JAK1: variants seen among roughly 807,000 people sequenced by gnomAD.
JAK1 encodes the protein Janus kinase 1.
Under a neutral mutation model 136.6 loss-of-function variants are expected in JAK1, and 16 were observed. The ratio of observed to expected loss-of-function variants is 0.12; its 90% confidence interval spans 0.08 to 0.18. The LOEUF is 0.18. JAK1 is among the 10% of genes least tolerant of loss of function. The probability of loss-of-function intolerance (pLI) is 1.00; values close to 1 mark genes in which losing one functional copy is unlikely to be tolerated. For synonymous variants in JAK1, 492 were observed against 519.5 expected, an observed-to-expected ratio of 0.95 and a Z score of 0.72; for missense variants, 859 against 1,450.1, an observed-to-expected ratio of 0.59 and a Z score of 6.62.
chr1:64,868,898 C>A (rs1284237380), intron 6 of JAK1, among the ~76,000 whole-genome samples: 1 of 152,206 alleles, frequency 6.6e-6, no homozygotes, highest in Non-Finnish European at 1.5e-5. Context: ...TAGTGAACTA[C>A]TGTAACGTGT....
At chr1:65,052,118 ATTTTTTTTTT>A (rs71056073) in intron 1 of JAK1, among the ~76,000 whole-genome samples, 4 of 93,568 alleles carry the variant, frequency 4.3e-5, no homozygotes, top group South Asian at 3.7e-4. Flanking sequence ...ACGCCTGGCT[ATTTTTTTTTT>A]TTTTTTTTTT....
At chr1:64,986,617 G>C (rs897568818) in intron 2 of JAK1, among the ~76,000 whole-genome samples, 6 of 152,112 alleles carry the variant, frequency 3.9e-5, no homozygotes, top group African/African-American at 1.4e-4. Flanking sequence ...AATAAGCTGG[G>C]TGCAGTGGCT....
chr1:64,857,004 GT>G (rs548849477), intron 10 of JAK1, among the ~76,000 whole-genome samples: 9 of 152,152 alleles, frequency 5.9e-5, no homozygotes, highest in Non-Finnish European at 1.3e-4. Context: ...CCACTTTGTA[GT>G]TTTTTTAATT....
chr1:64,986,174 C>T (rs1344246604), intron 2 of JAK1: 4 of 424,812 alleles, frequency 9.4e-6, no homozygotes, highest in Non-Finnish European at 1.7e-5. Flanking sequence ...GGGGCGATCT[C>T]AGCTCACTGC....
At chr1:64,903,965 G>A (rs928497863) in intron 1 of JAK1, among the ~76,000 whole-genome samples, 7 of 152,194 alleles carry the variant, frequency 4.6e-5, no homozygotes, top group Non-Finnish European at 7.4e-5. Context: ...TTCCTTGAGA[G>A]CAAAAACAAG....
At chr1:64,894,647 G>A (rs1013707741) in intron 1 of JAK1, among the ~76,000 whole-genome samples, 1 of 151,958 alleles carries the variant, frequency 6.6e-6, no homozygotes, top group Admixed American at 6.6e-5. Context: ...CGTGGTGGTG[G>A]GTGCCTGTAA....
At chr1:64,927,779 T>A (rs546613896) in intron 1 of JAK1, among the ~76,000 whole-genome samples, 1 of 152,144 alleles carries the variant, frequency 6.6e-6, no homozygotes, top group Non-Finnish European at 1.5e-5. Flanking sequence ...AACACATCTG[T>A]ATAATGCAAA....
At chr1:64,851,940 A>C (rs1234530918) in intron 11 of JAK1, among the ~76,000 whole-genome samples, 1 of 152,172 alleles carries the variant, frequency 6.6e-6, no homozygotes, top group Non-Finnish European at 1.5e-5. Context: ...ACTGTAACAG[A>C]AGGAAGTTCC....
At chr1:64,913,672 G>GA (rs1645330934) in intron 1 of JAK1, among the ~76,000 whole-genome samples, 2 of 22,376 alleles carry the variant, frequency 8.9e-5, no homozygotes, top group South Asian at 3.4e-3. Context: ...AGGAAGGAAG[G>GA]AAGGAAGGAA....
chr1:64,856,229 G>A (rs1323046968), intron 10 of JAK1, among the ~76,000 whole-genome samples: 1 of 152,196 alleles, frequency 6.6e-6, no homozygotes, highest in Non-Finnish European at 1.5e-5. Context: ...TTGGGACACT[G>A]TGGTGCCAGA....
chr1:64,917,715 G>A (rs554756451), intron 1 of JAK1, among the ~76,000 whole-genome samples: 1 of 152,236 alleles, frequency 6.6e-6, no homozygotes, highest in East Asian at 1.9e-4. Flanking sequence ...ATTTCACCCC[G>A]CAGAAGTATT....
chr1:64,982,310 C>T (rs1646555461), intron 2 of JAK1, among the ~76,000 whole-genome samples: 1 of 152,146 alleles, frequency 6.6e-6, no homozygotes, highest in Non-Finnish European at 1.5e-5. Flanking sequence ...TGAGTTAACG[C>T]ATTATGTGAT....
intron 1 of JAK1, among the ~76,000 whole-genome samples, chr1:64,914,347 TA>T (rs1441094227): frequency 6.6e-6 from 1 of 152,140 alleles, no homozygotes; most frequent in Non-Finnish European, 1.5e-5. Context: ...ATGCTTCAAA[TA>T]AAAGGTTTAA....
At chr1:64,919,006 G>C (rs1309630373) in intron 1 of JAK1, among the ~76,000 whole-genome samples, 1 of 151,852 alleles carries the variant, frequency 6.6e-6, no homozygotes, top group Non-Finnish European at 1.5e-5. Context: ...ATTTCACCTG[G>C]CTCCTTTTAC....
intron 18 of JAK1, 39 bp from the exon 19 acceptor site, chr1:64,841,378 G>T: frequency 6.2e-7 from 1 of 1,607,798 alleles, no homozygotes; most frequent in Non-Finnish European, 8.5e-7. Context: ...AAAGGCAGTC[G>T]ATTGCCAGGG....
chr1:64,882,327 G>A (rs1470811951), intron 3 of JAK1, among the ~76,000 whole-genome samples: 5 of 152,216 alleles, frequency 3.3e-5, no homozygotes, highest in Admixed American at 3.3e-4. Context: ...GTTGTTCTGA[G>A]GGTTAAAGGT....
intron 2 of JAK1, among the ~76,000 whole-genome samples, chr1:64,973,263 AAGAC>A (rs1404690640): frequency 6.6e-6 from 1 of 150,592 alleles, no homozygotes; most frequent in East Asian, 2.0e-4. Flanking sequence ...GAGAGAAAGA[AAGAC>A]GGAAGGAAGG....
intron 1 of JAK1, among the ~76,000 whole-genome samples, chr1:64,898,680 T>A (rs1410313313): frequency 6.6e-6 from 1 of 152,212 alleles, no homozygotes; most frequent in African/African-American, 2.4e-5. Flanking sequence ...GAACTTCAGT[T>A]AGCAAAATTT....
intron 1 of JAK1, among the ~76,000 whole-genome samples, chr1:64,924,589 CTA>C (rs1645550861): frequency 6.6e-6 from 1 of 152,164 alleles, no homozygotes; most frequent in Non-Finnish European, 1.5e-5. Flanking sequence ...AACCTTAGAA[CTA>C]TGTGTGGCTC....
Sources: allele counts gnomAD v4.1 joint callset (sites outside exome capture counted in the v4.1 genomes callset), GRCh38; gene constraint gnomAD v4.1.1; transcripts MANE v1.5; gene names NCBI Gene and HGNC (gene_info 2026-07-23, HGNC 2026-07-21).